Variants in SSU72 observed in about 807,000 individuals in gnomAD.
The protein encoded by SSU72 is RNA polymerase II subunit A C-terminal domain phosphatase SSU72.
SSU72 carries 12 observed loss-of-function variants against 22.7 expected under a neutral mutation model. The ratio of observed to expected loss-of-function variants is 0.53; its 90% CI spans 0.34 to 0.86. SSU72 has a LOEUF of 0.86. SSU72 is among the 40% of genes least tolerant of loss of function. SSU72 has a pLI of 0.02. For missense variants in SSU72, 151 were observed against 249.8 expected, an observed-to-expected ratio of 0.60 and a Z score of 2.67; for synonymous variants, 116 against 98.3, an observed-to-expected ratio of 1.18 and a Z score of -1.06.
In SSU72 at chr1:1,554,481, G is replaced by C. The variant is rs1642495927; in HGVS notation, c.225-9479C>G. On this transcript the variant is annotated intron_variant, in intron 2 of 4. Transcript: ENST00000291386. This position sits in a 1 kb window ranked among gnomAD's most constrained non-coding sequence, Gnocchi z 4.1. ...AACCACCCAGGGCCCCAAGGTGCCA[G>C]GACATACCAGGAAACGCCCCAAACA... 6.6e-6 allele frequency among the ~76,000 whole-genome samples: 1 copy of C among 152,204 alleles called. No homozygotes were observed. The highest frequency in any genetic ancestry group is 1.5e-5 in the Non-Finnish European group (1 of 68,024).
intron 2 of SSU72, among the ~76,000 whole-genome samples, chr1:1,559,093 G>A (rs575779744): frequency 1.3e-4 from 20 of 152,370 alleles, no homozygotes; most frequent in Admixed American, 1.2e-3. Context: ...CCAGCGCAAA[G>A]CTGCTCTACT....
intron 1 of SSU72, among the ~76,000 whole-genome samples, chr1:1,571,225 AC>A (rs1570401954): frequency 7.5e-6 from 1 of 133,614 alleles, no homozygotes; most frequent in East Asian, 2.2e-4. Context: ...AGCCTGGGCG[AC>A]AGAGTGAGAC....
At position 1,542,809 on chromosome 1, in the gene SSU72, T is replaced by C. The variant is rs1642340056; in HGVS notation, c.484-642A>G. 6.6e-6 allele frequency among the ~76,000 whole-genome samples: 1 copy of C among 152,082 alleles called. No homozygotes were observed. Among genetic ancestry groups the C allele is most frequent in the Non-Finnish European group, 1.5e-5 (1 of 68,010 alleles). The stretch of plus-strand genomic sequence containing the variant: ...CTGGGACGACATTTTCTTATGACCT[T>C]TTCTCCTGCCAGGCGATCATGAAGA... On this transcript the variant is annotated intron_variant, in intron 4 of 4. Transcript: ENST00000291386. The surrounding 1 kb of genome is among the most constrained non-coding windows in gnomAD (Gnocchi z 4.4).
rs1264900782 is a variant in SSU72 at position 1,543,823 on chromosome 1, C to T, written c.483+46G>A. On this transcript the variant is annotated intron_variant, in intron 4 of 4. Coordinates refer to ENST00000291386, the MANE Select transcript of SSU72 (RefSeq NM_014188.3). Reference sequence around the variant, plus strand: ...CTCTGTCACGGCCTCGGTCACTCCCCTCTGTCACAACCTCTGCCCAGCGCG... The same window carrying T: ...CTCTGTCACGGCCTCGGTCACTCCCTTCTGTCACAACCTCTGCCCAGCGCG... 3.3e-6 allele frequency: 5 copies of T among 1,511,498 alleles called. No individual in the cohort carries two copies. The African/African-American group carries it at 6.9e-5, about 21-fold the overall frequency. The allele number at this position is 1,511,498 out of a possible 1,614,324, so 93.6% of individuals were successfully genotyped here. A position where few individuals can be genotyped will look rare whatever the true frequency, so the allele number is the denominator to read the frequency against.
rs936634138 is a variant in SSU72 at position 1,561,555 on chromosome 1, G to A, written c.224+3218C>T. 8.5e-5 allele frequency: 13 copies of A among 152,190 alleles called. 1 individual carries two copies. The highest frequency in any genetic ancestry group is 7.7e-4 in the East Asian group (4 of 5,188). 9.4% of individuals were successfully genotyped at this position (152,190 alleles called of 1,614,324 possible). ...CTCTCACTTGTAACAGTCACTTCCCGCGGCCCCCCTGCACCCATCACTAAC... is the reference window on the plus strand; with the variant it reads ...CTCTCACTTGTAACAGTCACTTCCCACGGCCCCCCTGCACCCATCACTAAC... On this transcript the variant is annotated intron_variant, in intron 2 of 4. Transcript: ENST00000291386.
chr1:1,571,330 G>A (rs1257500604), intron 1 of SSU72, among the ~76,000 whole-genome samples: 4 of 148,094 alleles, frequency 2.7e-5, no homozygotes, highest in African/African-American at 1.0e-4. Flanking sequence ...CTACTCGGAG[G>A]GTTTGAAGGA....
intron 1 of SSU72, among the ~76,000 whole-genome samples, chr1:1,574,089 G>T (rs1457078710): frequency 6.6e-6 from 1 of 151,912 alleles, no homozygotes; most frequent in Admixed American, 6.6e-5. Context: ...AGACCGCTTT[G>T]TTATTTACAA....
intron 2 of SSU72, among the ~76,000 whole-genome samples, chr1:1,557,423 A>G (rs1178884702): frequency 6.6e-6 from 1 of 151,806 alleles, no homozygotes; most frequent in Admixed American, 6.6e-5. Flanking sequence ...AAAAAAGTAA[A>G]TAAATAAATA....
At chr1:1,573,307 G>A (rs919678476) in intron 1 of SSU72, among the ~76,000 whole-genome samples, 5 of 151,372 alleles carry the variant, frequency 3.3e-5, no homozygotes, top group Non-Finnish European at 7.4e-5. Flanking sequence ...GCCGGTGCCT[G>A]TAGTCCCAGC....
At position 1,541,841 on chromosome 1, in the gene SSU72, GA is replaced by G; in HGVS notation, c.*224del. Reference sequence around the variant, plus strand: ...TTGTCTTTCCTTTTTGGTTAAAGAAGAAAAACTTTGTAATCAATATCCTGCT... The same window carrying G: ...TTGTCTTTCCTTTTTGGTTAAAGAAGAAAACTTTGTAATCAATATCCTGCT... On this transcript the variant is annotated 3_prime_UTR_variant, in exon 5 of 5. Transcript: ENST00000291386. 1 of 537,232 alleles carries G rather than the reference GA, an allele frequency of 1.9e-6. No individual in the cohort carries two copies. Among genetic ancestry groups the G allele is most frequent in the East Asian group, 3.3e-5 (1 of 30,520 alleles). 33.3% of individuals were successfully genotyped at this position (537,232 alleles called of 1,614,324 possible).
intron 1 of SSU72, among the ~76,000 whole-genome samples, chr1:1,568,401 G>A (rs751372837): frequency 6.6e-6 from 1 of 151,906 alleles, no homozygotes; most frequent in Non-Finnish European, 1.5e-5. Flanking sequence ...AGACCAGCCT[G>A]GCCAACATGA....
intron 2 of SSU72, among the ~76,000 whole-genome samples, chr1:1,557,952 A>G (rs888243008): frequency 1.3e-5 from 2 of 152,072 alleles, no homozygotes; most frequent in Non-Finnish European, 2.9e-5. Flanking sequence ...GGCAACCCCT[A>G]TAATCCCAGA....
intron 1 of SSU72, 51 bp from the exon 2 acceptor site, chr1:1,564,967 T>A: frequency 2.6e-6 from 4 of 1,536,774 alleles, no homozygotes; most frequent in Non-Finnish European, 3.5e-6. Flanking sequence ...GACACAAAAT[T>A]CCAAAAGCAA....
At chr1:1,548,832 C>T (rs539040748) in intron 2 of SSU72, among the ~76,000 whole-genome samples, 7 of 152,342 alleles carry the variant, frequency 4.6e-5, no homozygotes, top group Admixed American at 4.6e-4. Flanking sequence ...GCACGTGTGG[C>T]CAATCCCGAG....
intron 2 of SSU72, chr1:1,564,171 G>A (rs938478559): frequency 1.6e-5 from 3 of 191,428 alleles, no homozygotes; most frequent in Non-Finnish European, 3.2e-5. Flanking sequence ...TATGCAACTG[G>A]TGTTGCGTCC....
intron 4 of SSU72, among the ~76,000 whole-genome samples, chr1:1,543,480 G>A (rs1318647505): frequency 8.5e-5 from 13 of 152,326 alleles, no homozygotes; most frequent in Non-Finnish European, 1.5e-5. Context: ...ATTGCAGGGG[G>A]GCCTCCTGTG....
intron 2 of SSU72, among the ~76,000 whole-genome samples, chr1:1,548,091 A>C (rs1415306828): frequency 6.6e-6 from 1 of 152,220 alleles, no homozygotes; most frequent in Non-Finnish European, 1.5e-5. Flanking sequence ...GCAGGCAAAG[A>C]GGATGTGCCA....
At chr1:1,555,507 T>C (rs1374853717) in intron 2 of SSU72, among the ~76,000 whole-genome samples, 1 of 152,042 alleles carries the variant, frequency 6.6e-6, no homozygotes, top group Non-Finnish European at 1.5e-5. Context: ...GTGTCGTGCA[T>C]GTGGGTGACA....
intron 2 of SSU72, chr1:1,563,519 G>A: frequency 8.1e-6 from 1 of 123,720 alleles, no homozygotes; most frequent in Non-Finnish European, 1.6e-5. Context: ...GCAACAGGGT[G>A]AGACTCTGAC....
Sources: gnomAD v4.1 joint callset for allele counts (sites outside exome capture counted in the v4.1 genomes callset) on GRCh38, gnomAD v4.1.1 for gene constraint, Gnocchi (gnomAD v3.1) non-coding constraint, MANE v1.5 for transcripts, NCBI Gene and HGNC (gene_info 2026-07-23, HGNC 2026-07-21) for gene names.